F12: variants seen among roughly 807,000 people sequenced by gnomAD.
The protein encoded by F12 is coagulation factor XII.
Under a neutral mutation model 74.8 loss-of-function variants are expected in F12, and 70 were observed. The observed-to-expected ratio is 0.94, with a 90% CI of 0.77 to 1.14. The LOEUF is 1.14. F12 is among the 50% of genes most tolerant of loss of function. The probability of loss-of-function intolerance (pLI) is 0.00; values close to 1 mark genes in which losing one functional copy is unlikely to be tolerated. For synonymous variants in F12, 373 were observed against 356.4 expected (o/e 1.05, Z -0.52); for missense variants, 811 against 835.7 (o/e 0.97, Z 0.36).
At chr5:177,405,294 C>G (rs73336290) in intron 5 of F12, 29 bp downstream of exon 5, 2 of 1,613,760 alleles carry the variant, frequency 1.2e-6, no homozygotes, top group African/African-American at 1.3e-5. Context: ...TCCCCCAGCA[C>G]CCCGCCCAGG....
At chr5:177,405,613 T>G in intron 4 of F12, 122 bp downstream of exon 4, 1 of 1,206,700 alleles carries the variant, frequency 8.3e-7, no homozygotes, top group Non-Finnish European at 1.2e-6. Context: ...TTCCAAAGGG[T>G]ATTGTGGAGG....
chr5:177,404,735 A>G, intron 7 of F12, 71 bp from the exon 8 acceptor site: 1 of 1,594,054 alleles, frequency 6.3e-7, no homozygotes, highest in East Asian at 2.3e-5. Context: ...TGCTTTCCGC[A>G]CTCTCCCTCC....
At chr5:177,402,493 C>G in intron 13 of F12, 34 bp from the exon 14 acceptor site, 1 of 1,599,358 alleles carries the variant, frequency 6.3e-7, no homozygotes. Flanking sequence ...GCGCTGTGGA[C>G]CTGAGATTTG....
Position 177,402,403 on chromosome 5 carries a change from G to A in F12, c.1737C>T (p.Thr579=). ...CEDQAAERRL[T]LQGIISWGSG... The stretch of plus-strand genomic sequence containing the variant: ...ATCCCCAGCTGATGATGCCTTGCAG[G>A]GTGAGCCGGCGCTCTGCAGCTTGGT... Residue 579 remains threonine (T), a synonymous_variant, in exon 14 of 14, where the codon ACC becomes ACT. Coordinates refer to ENST00000253496, the MANE Select transcript of F12 (RefSeq NM_000505.4). 1 of 1,613,210 alleles carries A rather than the reference G, an allele frequency of 6.2e-7. No homozygotes were observed. The highest frequency in any genetic ancestry group is 8.5e-7 in the Non-Finnish European group (1 of 1,179,776).
rs889967595 is a variant in F12, at chr5:177,404,845, C to T, written c.599G>A (p.Cys200Tyr). 1 of 1,609,884 alleles carries T rather than the reference C, an allele frequency of 6.2e-7. No homozygotes were observed. Among genetic ancestry groups the T allele is most frequent in the Non-Finnish European group, 8.5e-7 (1 of 1,178,996 alleles). The part of the protein sequence containing the change: ...LEVEGHRLCH[C>Y]PVGYTGAFCD... Reference sequence around the variant, plus strand: ...GAAGGCTCCGGTGTAGCCCACCGGGCAGTGGCACAGGCGGTGGCCCTCCAC... The same window carrying T: ...GAAGGCTCCGGTGTAGCCCACCGGGTAGTGGCACAGGCGGTGGCCCTCCAC... The change falls in exon 7 of 14, where the codon TGC becomes TAC. Residue 200 changes from cysteine (C) to tyrosine (Y), a missense_variant. Cys to Tyr is a radical substitution (Grantham distance 194). Transcript: ENST00000253496.
intron 9 of F12, 48 bp downstream of exon 9, chr5:177,404,148 C>G: frequency 6.3e-7 from 1 of 1,581,562 alleles, no homozygotes; most frequent in Non-Finnish European, 8.6e-7. Context: ...CGGAATCTAG[C>G]TCGCCCGGCG....
At position 177,404,289 on chromosome 5, in the gene F12, G is replaced by A. The variant is rs1763226695; in HGVS notation, c.925C>T (p.Pro309Ser). Residue 309 changes from proline (P) to serine (S), a missense_variant, in exon 9 of 14, where the codon CCT becomes TCT. Physicochemically the swap from Pro to Ser is moderately conservative, Grantham distance 74 (BLOSUM62 -1). Transcript: ENST00000253496. ...GGCATGAGTGGGACATGAAGCCTAG[G>A]GGACACCGGGGTCGGAGGCGCCGCC... ...TQAAPPTPVS[P>S]RLHVPLMPAQ... The A allele has an allele frequency of 1.2e-6, 2 of 1,601,178 alleles. No individual in the cohort carries two copies. The highest frequency in any genetic ancestry group is 1.7e-4 in the Middle Eastern group (1 of 6,008).
rs1374561459 is a variant in F12, at chr5:177,404,665, C to G, written c.635-1G>C. The G allele has an allele frequency of 2.5e-6, 4 of 1,606,604 alleles. No individual in the cohort carries two copies. The African/African-American group carries it at 4.0e-5, about 16-fold the overall frequency. ...CCATCATAGCAGCTTGCCTTGGTGT[C>G]TGAGGAGAAAGGGGGCTCCCTGGGC... On this transcript the variant is annotated splice_acceptor_variant, in intron 7 of 13. Transcript: ENST00000253496. LOFTEE classifies it high-confidence loss of function.
In F12 at chr5:177,405,736, T is replaced by C. The variant is rs1763273438; in HGVS notation, c.285A>G (p.Lys95=). Residue 95 remains lysine, a splice_region_variant and synonymous_variant, in exon 4 of 14, where the codon AAA becomes AAG. Transcript: ENST00000253496. Reference sequence around the variant, plus strand: ...CACCCCAGAGGCTGTGTGTAGCACCTTTCACTTTCTTGGGCTCCAAACAGT... The same window carrying C: ...CACCCCAGAGGCTGTGTGTAGCACCCTTCACTTTCTTGGGCTCCAAACAGT... ...WGYCLEPKKV[K]DHCSKHSPCQ... The C allele has an allele frequency of 6.2e-7, 1 of 1,614,122 alleles. No homozygotes were observed. Among genetic ancestry groups the C allele is most frequent in the Non-Finnish European group, 8.5e-7 (1 of 1,179,994 alleles).
At position 177,404,094 on chromosome 5, in the gene F12, T is replaced by C; in HGVS notation, c.1019-4A>G. ...TGCTCCCGCTTCGCCGGCAAGGCTGTGGAGGAGCAGGGGCTGAGGACGGAG... is the reference window on the plus strand; with the variant it reads ...TGCTCCCGCTTCGCCGGCAAGGCTGCGGAGGAGCAGGGGCTGAGGACGGAG... On this transcript the variant is annotated splice_polypyrimidine_tract_variant and splice_region_variant and intron_variant, in intron 9 of 13. Coordinates refer to ENST00000253496, the MANE Select transcript of F12 (RefSeq NM_000505.4). The C allele has an allele frequency of 6.2e-7, 1 of 1,602,258 alleles. No homozygotes were observed. Among genetic ancestry groups the C allele is most frequent in the Non-Finnish European group, 8.5e-7 (1 of 1,178,138 alleles).
intron 2 of F12, among the ~76,000 whole-genome samples, chr5:177,406,262 G>A (rs1161289499): frequency 6.6e-6 from 1 of 152,232 alleles, no homozygotes; most frequent in Non-Finnish European, 1.5e-5. Flanking sequence ...GCCAAGGCGG[G>A]CAGATCACGA....
chr5:177,406,550 C>T (rs933055078), intron 2 of F12, among the ~76,000 whole-genome samples: 1 of 151,786 alleles, frequency 6.6e-6, no homozygotes, highest in African/African-American at 2.4e-5. Flanking sequence ...CCTGACTCCA[C>T]AACCTGCTAG....
At chr5:177,409,221 C>G (rs1260296715) in intron 1 of F12, 118 bp from the exon 2 acceptor site, 3 of 1,156,188 alleles carry the variant, frequency 2.6e-6, no homozygotes, top group Non-Finnish European at 3.8e-6. Context: ...TCCCAAGACC[C>G]AAACCCTTTC....
rs774998756 is a variant in F12 at position 177,404,379 on chromosome 5, C to G, written c.835G>C (p.Val279Leu). Residue 279 changes from valine (V) to leucine (L), a missense_variant, in exon 9 of 14, where the codon GTG becomes CTG. By Grantham distance (32) the Val-to-Leu change is conservative (BLOSUM62 1). Transcript: ENST00000253496. ...PDNDIRPWCF[V>L]LNRDRLSWEY... ...CAGCTCAGCCGGTCGCGGTTCAGCA[C>G]GAAGCACCACGGGCGGATGTCGTTG... The G allele has an allele frequency of 6.2e-7, 1 of 1,612,120 alleles. No individual in the cohort carries two copies. Among genetic ancestry groups the G allele is most frequent in the South Asian group, 1.1e-5 (1 of 91,000 alleles).
rs1056555861 is a variant in F12 at position 177,406,351 on chromosome 5, T to A, written c.116-290A>T. ...AAAATACAAAAAAATTAGCTGGGGG[T>A]GGTGGCAGGTGCCTGTAGTCCCAGC... On this transcript the variant is annotated intron_variant, in intron 2 of 13. Transcript: ENST00000253496. Among the ~76,000 whole-genome samples, 5 of 151,776 alleles carry A rather than the reference T, an allele frequency of 3.3e-5. No individual in the cohort carries two copies. The South Asian group carries it at 1.0e-3, about 32-fold the overall frequency.
chr5:177,409,010 C>T (rs1258788563), intron 2 of F12, 36 bp downstream of exon 2: 3 of 1,549,138 alleles, frequency 1.9e-6, no homozygotes, highest in Non-Finnish European at 2.6e-6. Context: ...ACATCCCCAC[C>T]CAAGGGTTCC....
rs747603232 is a variant in F12, at chr5:177,404,597, C to T, written c.702G>A (p.Ser234=). The part of the protein sequence containing the change: ...SYRGLARTTL[S]GAPCQPWASE... ...AGGCCCACGGCTGACAGGGCGCACC[C>T]GAGAGCGTGGTCCTGGCCAGGCCGC... The change falls in exon 8 of 14, where the codon TCG becomes TCA. Residue 234 remains serine (S), a synonymous_variant. Coordinates refer to ENST00000253496, the MANE Select transcript of F12 (RefSeq NM_000505.4). 1 of 1,608,568 alleles carries T rather than the reference C, an allele frequency of 6.2e-7. No individual in the cohort carries two copies.
At chr5:177,407,793 A>G (rs1227043453) in intron 2 of F12, among the ~76,000 whole-genome samples, 4 of 151,848 alleles carry the variant, frequency 2.6e-5, no homozygotes, top group African/African-American at 9.7e-5. Flanking sequence ...TCAAAAAAAA[A>G]AAAAGATGCA....
At chr5:177,403,448 C>T (rs1270527055) in intron 11 of F12, 33 bp downstream of exon 11, 1 of 1,561,918 alleles carries the variant, frequency 6.4e-7, no homozygotes, top group Non-Finnish European at 8.6e-7. Context: ...GCCCCAAGCT[C>T]TCTTCCCGTC....
Sources: allele counts gnomAD v4.1 joint callset (sites outside exome capture counted in the v4.1 genomes callset), GRCh38; gene constraint gnomAD v4.1.1; transcripts MANE v1.5; gene names NCBI Gene and HGNC (gene_info 2026-07-23, HGNC 2026-07-21).